The following DGKB variants were observed in gnomAD, a reference collection of about 807,000 sequenced individuals.
DGKB encodes diacylglycerol kinase beta.
In DGKB, 67 loss-of-function variants were observed where a neutral mutation model predicts 114.3. The ratio of observed to expected loss-of-function variants is 0.59; its 90% CI spans 0.48 to 0.72. The LOEUF is 0.72. DGKB is among the 30% of genes least tolerant of loss of function. The pLI, the probability that DGKB is intolerant of heterozygous loss-of-function variation, is 0.00. For missense variants in DGKB, 907 were observed against 975.2 expected, an observed-to-expected ratio of 0.93 and a Z score of 0.93; for synonymous variants, 398 against 323.1, an observed-to-expected ratio of 1.23 and a Z score of -2.49.
intron 25 of DGKB, among the ~76,000 whole-genome samples, chr7:14,152,177 A>C (rs1385858860): frequency 6.6e-6 from 1 of 152,076 alleles, no homozygotes; most frequent in Non-Finnish European, 1.5e-5. Flanking sequence ...ATCCCCAAAG[A>C]ATTTAGAATA....
chr7:14,694,240 T>G (rs1361610092), intron 8 of DGKB, 46 bp from the exon 9 acceptor site: 1 of 1,516,956 alleles, frequency 6.6e-7, no homozygotes, highest in Non-Finnish European at 8.9e-7. Context: ...ACCAATAAAA[T>G]AAATTTCATA....
intron 23 of DGKB, among the ~76,000 whole-genome samples, chr7:14,227,974 A>G (rs1001320067): frequency 6.6e-6 from 1 of 152,084 alleles, no homozygotes; most frequent in Admixed American, 6.6e-5. Flanking sequence ...AAGAATATCA[A>G]TTAAGATGGC....
chr7:14,294,467 A>G (rs1000147746), intron 23 of DGKB, among the ~76,000 whole-genome samples: 8 of 152,182 alleles, frequency 5.3e-5, no homozygotes, highest in Non-Finnish European at 2.9e-5. Flanking sequence ...GATAGCCACT[A>G]TGATATAAAG....
intron 20 of DGKB, among the ~76,000 whole-genome samples, chr7:14,567,383 AT>A (rs2128691947): frequency 1.9e-4 from 7 of 36,782 alleles, no homozygotes; most frequent in Admixed American, 5.9e-4. Flanking sequence ...ATATTTATAT[AT>A]TATATATATA....
At chr7:14,950,532 G>A in intron 1 of DGKB, among the ~76,000 whole-genome samples, 1 of 151,834 alleles carries the variant, frequency 6.6e-6, no homozygotes, top group Admixed American at 6.6e-5. Flanking sequence ...AAGAAAAAAG[G>A]AAAAAGACAC....
chr7:14,504,895 T>G (rs1034576753), intron 20 of DGKB, among the ~76,000 whole-genome samples: 1 of 152,164 alleles, frequency 6.6e-6, no homozygotes, highest in African/African-American at 2.4e-5. Flanking sequence ...TAGATAAGAA[T>G]AGTCACTGGT....
intron 20 of DGKB, among the ~76,000 whole-genome samples, chr7:14,528,891 T>C (rs1239329191): frequency 6.6e-6 from 1 of 151,962 alleles, no homozygotes; most frequent in Non-Finnish European, 1.5e-5. Context: ...ATTGCTGTGA[T>C]ATGACAAATA....
chr7:14,771,166 C>A (rs1042582711), intron 2 of DGKB, among the ~76,000 whole-genome samples: 32 of 152,074 alleles, frequency 2.1e-4, no homozygotes, highest in African/African-American at 7.5e-4. Context: ...AGAGGAAGGT[C>A]TTCAGGACTC....
intron 21 of DGKB, among the ~76,000 whole-genome samples, chr7:14,358,160 T>C (rs1161490487): frequency 6.6e-6 from 1 of 152,180 alleles, no homozygotes; most frequent in African/African-American, 2.4e-5. Context: ...TTGGGGAACT[T>C]CTCCTGGATA....
At chr7:14,940,151 C>A (rs568924197) in intron 1 of DGKB, among the ~76,000 whole-genome samples, 1 of 152,054 alleles carries the variant, frequency 6.6e-6, no homozygotes, top group African/African-American at 2.4e-5. Flanking sequence ...GTGCTCATTT[C>A]AGTACTGTGT....
At chr7:14,903,579 C>T (rs1468746985), upstream of DGKB, among the ~76,000 whole-genome samples, 1 of 152,058 alleles carries the variant, frequency 6.6e-6, no homozygotes, top group African/African-American at 2.4e-5. Context: ...AACCATCTGC[C>T]GAAGCCACTT....
chr7:14,914,003 A>G lies in DGKB; in HGVS notation c.-188+60693T>C, dbSNP rs367574691. 7.9e-5 allele frequency among the ~76,000 whole-genome samples: 12 copies of G among 152,322 alleles called. No individual in the cohort carries two copies. The East Asian group carries it at 1.9e-3, about 25-fold the overall frequency. On this transcript the variant is annotated intron_variant, in intron 1 of 4. Coordinates refer to the DGKB transcript ENST00000437998. ...ATTAATAGTTAAATGTAGCCCTACTAGGTTCTCATGGTGAAGACTGGAGAA... is the reference window on the plus strand; with the variant it reads ...ATTAATAGTTAAATGTAGCCCTACTGGGTTCTCATGGTGAAGACTGGAGAA...
intron 21 of DGKB, among the ~76,000 whole-genome samples, chr7:14,401,219 A>T (rs933605595): frequency 1.3e-5 from 2 of 151,958 alleles, no homozygotes; most frequent in Non-Finnish European, 2.9e-5. Flanking sequence ...CCAAATTGCC[A>T]TAGTCTTATC....
At chr7:14,735,999 T>G in intron 5 of DGKB, 42 bp downstream of exon 5, 5 of 1,240,970 alleles carry the variant, frequency 4.0e-6, no homozygotes, top group Non-Finnish European at 5.4e-6. Context: ...ATTTAGCCTT[T>G]GAAATTTGTA....
rs555815746 is a variant in DGKB, at chr7:14,259,428, T to C, written c.2122+79087A>G. 2.3e-3 allele frequency among the ~76,000 whole-genome samples: 351 copies of C among 150,032 alleles called. 2 individuals are homozygous for C. The highest frequency in any genetic ancestry group is 8.2e-3 in the African/African-American group (334 of 40,518). On this transcript the variant is annotated intron_variant, in intron 23 of 25. Coordinates refer to ENST00000402815, the MANE Select transcript of DGKB (RefSeq NM_001350709.2). ...CTCTCTATATATATATATATATATA[T>C]GGTTTTGTTTTGTTATAAGACGGAG...
At chr7:14,833,331 T>C in intron 2 of DGKB, among the ~76,000 whole-genome samples, 1 of 152,142 alleles carries the variant, frequency 6.6e-6, no homozygotes, top group Non-Finnish European at 1.5e-5. Context: ...TATCTTCAGA[T>C]ATTTTACTAC....
chr7:14,159,500 G>A (rs941774426), intron 25 of DGKB, among the ~76,000 whole-genome samples: 49 of 152,082 alleles, frequency 3.2e-4, no homozygotes, highest in Non-Finnish European at 8.8e-5. Flanking sequence ...TTTTATATTT[G>A]TGGGACTATT....
At chr7:14,192,835 G>A (rs1192142705) in intron 23 of DGKB, among the ~76,000 whole-genome samples, 2 of 151,902 alleles carry the variant, frequency 1.3e-5, no homozygotes, top group South Asian at 2.1e-4. Context: ...GGACCCCTAA[G>A]CTTGTTTTCC....
intron 9 of DGKB, among the ~76,000 whole-genome samples, chr7:14,692,544 C>A (rs1457380269): frequency 6.6e-6 from 1 of 151,422 alleles, no homozygotes; most frequent in Non-Finnish European, 1.5e-5. Context: ...GGTACATGAA[C>A]AATTAAATAA....
Sources: gnomAD v4.1 joint callset for allele counts (sites outside exome capture counted in the v4.1 genomes callset) on GRCh38, gnomAD v4.1.1 for gene constraint, MANE v1.5 for transcripts, NCBI Gene and HGNC (gene_info 2026-07-23, HGNC 2026-07-21) for gene names.